Variants in LIPK observed in about 807,000 individuals in gnomAD.
LIPK encodes lipase family member K, also known as lipase member K.
In LIPK, 32 loss-of-function variants were observed where a neutral mutation model predicts 48.6. That is an observed-to-expected ratio of 0.66 (90% CI 0.50 to 0.88). LIPK has a LOEUF of 0.88. LIPK is among the 40% of genes least tolerant of loss of function. The pLI is 0.00. For missense variants in LIPK, 507 were observed against 478.5 expected, an observed-to-expected ratio of 1.06 and a Z score of -0.56; for synonymous variants, 164 against 157.4, an observed-to-expected ratio of 1.04 and a Z score of -0.32.
At chr10:88,744,086 C>T (rs1338989381) in intron 9 of LIPK, among the ~76,000 whole-genome samples, 1 of 152,198 alleles carries the variant, frequency 6.6e-6, no homozygotes, top group Non-Finnish European at 1.5e-5. Flanking sequence ...CTGAACAGAA[C>T]AGGGCTATCT....
In LIPK at chr10:88,717,521, G is replaced by A. The variant is rs374002892; in HGVS notation, c.-11-7012G>A. Among the ~76,000 whole-genome samples, 8 of 152,230 alleles carry A rather than the reference G, an allele frequency of 5.3e-5. No homozygotes were observed. In the East Asian group the frequency reaches 1.5e-3, roughly 29 times the overall value. On this transcript the variant is annotated intron_variant, in intron 1 of 9. Transcript: ENST00000404190. ...GTGTTTTCCCAGATAGGAAAAGAAA[G>A]GCCCACACTATAGGTCTTCTGTTTT...
chr10:88,712,471 C>CCTACCTGTTA (rs1842043598), intron 1 of LIPK, among the ~76,000 whole-genome samples: 1 of 152,192 alleles, frequency 6.6e-6, no homozygotes. Context: ...GTGGACCTAA[C>CCTACCTGTTA]ATTTACCTGT....
In LIPK at chr10:88,721,649, A is replaced by G. The variant is rs148198710; in HGVS notation, c.-11-2884A>G. 4.3e-3 allele frequency among the ~76,000 whole-genome samples: 658 copies of G among 152,290 alleles called. 3 individuals are homozygous for G. The highest frequency in any genetic ancestry group is 0.015 in the African/African-American group (619 of 41,552). On this transcript the variant is annotated intron_variant, in intron 1 of 9. Coordinates refer to ENST00000404190, the MANE Select transcript of LIPK (RefSeq NM_001080518.2). Reference sequence around the variant, plus strand: ...TATAAGCAGCACATTGTGCTAGCTCACAGCCCTCTTCCCCTGCAACATTAC... The same window carrying G: ...TATAAGCAGCACATTGTGCTAGCTCGCAGCCCTCTTCCCCTGCAACATTAC...
chr10:88,735,221 T>C (rs1281600872), intron 6 of LIPK, among the ~76,000 whole-genome samples: 1 of 152,224 alleles, frequency 6.6e-6, no homozygotes, highest in Non-Finnish European at 1.5e-5. Context: ...GTTGAGAAAT[T>C]CATTCATCCA....
At chr10:88,715,438 TTGTC>T (rs985355929) in intron 1 of LIPK, among the ~76,000 whole-genome samples, 16 of 152,254 alleles carry the variant, frequency 1.1e-4, no homozygotes, top group Non-Finnish European at 2.1e-4. Context: ...GAAGCCTACT[TTGTC>T]TGTTATAAAT....
intron 3 of LIPK, chr10:88,727,777 C>T (rs960210063): frequency 7.3e-6 from 2 of 273,188 alleles, no homozygotes; most frequent in African/African-American, 4.5e-5. Flanking sequence ...AGGTGGATCC[C>T]AACATCCATG....
intron 1 of LIPK, among the ~76,000 whole-genome samples, chr10:88,718,053 T>C (rs951238213): frequency 6.6e-6 from 1 of 151,906 alleles, no homozygotes; most frequent in African/African-American, 2.4e-5. Flanking sequence ...ATTATAAATA[T>C]GGACCTTTTA....
At chr10:88,713,946 T>A (rs1410637430) in intron 1 of LIPK, among the ~76,000 whole-genome samples, 1 of 151,728 alleles carries the variant, frequency 6.6e-6, no homozygotes, top group African/African-American at 2.4e-5. Context: ...CAAGACTCTG[T>A]CTCAAAAAAA....
At chr10:88,728,163 A>G in intron 3 of LIPK, 1 of 202,832 alleles carries the variant, frequency 4.9e-6, no homozygotes. Flanking sequence ...CTCGCCTAAA[A>G]GGGCTGCCCC....
At chr10:88,722,841 A>G (rs556620800) in intron 1 of LIPK, among the ~76,000 whole-genome samples, 3 of 150,958 alleles carry the variant, frequency 2.0e-5, no homozygotes, top group African/African-American at 7.3e-5. Context: ...TAAAATGAGG[A>G]CAATATTTCC....
At chr10:88,739,652 G>A (rs1477848667) in intron 7 of LIPK, among the ~76,000 whole-genome samples, 1 of 151,998 alleles carries the variant, frequency 6.6e-6, no homozygotes, top group South Asian at 2.1e-4. Context: ...TCAGGAGAGC[G>A]AGACCATCCT....
chr10:88,745,585 G>T (rs1842752783), intron 9 of LIPK, among the ~76,000 whole-genome samples: 1 of 152,132 alleles, frequency 6.6e-6, no homozygotes, highest in Non-Finnish European at 1.5e-5. Context: ...ATTGCTAAGG[G>T]AATTTATTAC....
intron 9 of LIPK, among the ~76,000 whole-genome samples, chr10:88,743,890 C>T (rs1387762341): frequency 1.3e-5 from 2 of 152,172 alleles, no homozygotes; most frequent in African/African-American, 4.8e-5. Flanking sequence ...CACCCCACAA[C>T]CCCCATAGAC....
chr10:88,717,177 C>G (rs1002531438), intron 1 of LIPK, among the ~76,000 whole-genome samples: 1 of 152,124 alleles, frequency 6.6e-6, no homozygotes, highest in African/African-American at 2.4e-5. Flanking sequence ...GATGAGCTCT[C>G]AAACCATCTG....
chr10:88,720,647 A>G (rs969230304), intron 1 of LIPK, among the ~76,000 whole-genome samples: 1 of 152,168 alleles, frequency 6.6e-6, no homozygotes, highest in Non-Finnish European at 1.5e-5. Context: ...TATAGCATTT[A>G]TATAAGTGTA....
chr10:88,725,887 G>C (rs538286422), intron 2 of LIPK, among the ~76,000 whole-genome samples: 1 of 152,162 alleles, frequency 6.6e-6, no homozygotes, highest in East Asian at 1.9e-4. Flanking sequence ...AGGTCAACAA[G>C]CTCCCTTGAC....
At chr10:88,716,531 T>C (rs1239179482) in intron 1 of LIPK, among the ~76,000 whole-genome samples, 2 of 152,030 alleles carry the variant, frequency 1.3e-5, no homozygotes, top group Non-Finnish European at 2.9e-5. Context: ...CTAATTTTTG[T>C]ATTTTCAGTA....
intron 1 of LIPK, among the ~76,000 whole-genome samples, chr10:88,724,269 T>C (rs561741104): frequency 2.0e-5 from 3 of 152,352 alleles, no homozygotes; most frequent in African/African-American, 7.2e-5. Flanking sequence ...AGTTATCTAC[T>C]GGAAACTTGA....
intron 6 of LIPK, among the ~76,000 whole-genome samples, chr10:88,737,163 A>G (rs1842588568): frequency 6.6e-6 from 1 of 152,192 alleles, no homozygotes. Flanking sequence ...ATTAATTTAT[A>G]CTTTAATTAA....
Sources: allele counts gnomAD v4.1 joint callset (sites outside exome capture counted in the v4.1 genomes callset), GRCh38; gene constraint gnomAD v4.1.1; transcripts MANE v1.5; gene names NCBI Gene and HGNC (gene_info 2026-07-23, HGNC 2026-07-21).